Variants in WDFY4 observed in about 807,000 individuals in gnomAD.
The protein encoded by WDFY4 is WDFY family member 4.
WDFY4 carries 169 observed loss-of-function variants against 351.9 expected under a neutral mutation model. The observed-to-expected ratio is 0.48, with a 90% CI of 0.42 to 0.55. The LOEUF (loss-of-function observed/expected upper bound fraction) is 0.55. WDFY4 is among the 20% of genes least tolerant of loss of function. The probability of loss-of-function intolerance (pLI) is 0.00; values close to 1 mark genes in which losing one functional copy is unlikely to be tolerated. For synonymous variants in WDFY4, 1,622 were observed against 1,574.6 expected (o/e 1.03, Z -0.71); for missense variants, 3,803 against 3,935.6 (o/e 0.97, Z 0.90).
At chr10:48,843,993 G>T (rs2068692768) in intron 39 of WDFY4, among the ~76,000 whole-genome samples, 1 of 152,242 alleles carries the variant, frequency 6.6e-6, no homozygotes, top group South Asian at 2.1e-4. Flanking sequence ...GGGAGAATCA[G>T]TCTGGGCCCT....
intron 23 of WDFY4, among the ~76,000 whole-genome samples, chr10:48,792,160 T>C (rs1247901936): frequency 2.6e-5 from 4 of 152,174 alleles, no homozygotes; most frequent in Non-Finnish European, 5.9e-5. Flanking sequence ...TTAAACAGTG[T>C]ATGACTTTGT....
At chr10:48,768,406 C>T (rs375424077) in intron 13 of WDFY4, among the ~76,000 whole-genome samples, 5 of 143,538 alleles carry the variant, frequency 3.5e-5, no homozygotes, top group Non-Finnish European at 7.4e-5. Flanking sequence ...GCCTCATGAC[C>T]CCCCAACCTT....
At position 48,828,791 on chromosome 10, in the gene WDFY4, T is replaced by G; in HGVS notation, c.6235T>G (p.Phe2079Val). Residue 2079 changes from phenylalanine to valine, a missense_variant, in exon 37 of 62, where the codon TTT becomes GTT. Physicochemically the swap from Phe to Val is conservative, Grantham distance 50. This residue lies in a region of WDFY4 where 3,054 missense variants were observed against 3,148.6 expected (regional missense o/e 0.97). Coordinates refer to ENST00000325239, the MANE Select transcript of WDFY4 (RefSeq NM_001394531.1). The part of the protein sequence containing the change: ...LLNERSYPEG[F>V]GLEPKPRMST... ...CTTATCCACTAGTTACCCAGAAGGATTTGGATTGGAGCCCAAGCCTAGAAT... is the reference window on the plus strand; with the variant it reads ...CTTATCCACTAGTTACCCAGAAGGAGTTGGATTGGAGCCCAAGCCTAGAAT... 1 of 1,543,996 alleles carries G rather than the reference T, an allele frequency of 6.5e-7. No individual in the cohort carries two copies. Among genetic ancestry groups the G allele is most frequent in the South Asian group, 1.2e-5 (1 of 83,062 alleles).
At chr10:48,816,919 A>G (rs1157128483) in intron 31 of WDFY4, among the ~76,000 whole-genome samples, 2 of 152,224 alleles carry the variant, frequency 1.3e-5, no homozygotes, top group East Asian at 3.8e-4. Flanking sequence ...GGAAAGCATC[A>G]TCTACCCAAT....
At chr10:48,835,900 G>A (rs905499738) in intron 39 of WDFY4, among the ~76,000 whole-genome samples, 1 of 152,152 alleles carries the variant, frequency 6.6e-6, no homozygotes, top group African/African-American at 2.4e-5. Context: ...GCAACATCTT[G>A]TACTGGTAAC....
chr10:48,982,326 C>T (rs1842844077), intron 61 of WDFY4, among the ~76,000 whole-genome samples, 183 bp from the exon 62 acceptor site: 2 of 151,918 alleles, frequency 1.3e-5, no homozygotes, highest in Non-Finnish European at 2.9e-5. Context: ...CAATGCTTTC[C>T]CCTCCCCCAG....
intron 12 of WDFY4, among the ~76,000 whole-genome samples, chr10:48,756,137 T>C (rs60543044): frequency 0.021 from 3,182 of 152,160 alleles, 116 homozygotes; most frequent in African/African-American, 0.072. Flanking sequence ...AATTTAACTA[T>C]AGTAAATCTT....
intron 32 of WDFY4, 129 bp from the exon 33 acceptor site, chr10:48,820,105 G>T (rs541104040): frequency 2.4e-4 from 250 of 1,045,452 alleles, no homozygotes; most frequent in Non-Finnish European, 3.1e-4. Context: ...TTGCTTTCCT[G>T]TGCGGAGCCT....
chr10:48,958,344 C>T (rs1841703719), intron 52 of WDFY4, among the ~76,000 whole-genome samples: 1 of 152,162 alleles, frequency 6.6e-6, no homozygotes, highest in Non-Finnish European at 1.5e-5. Flanking sequence ...GATGGATCCC[C>T]CAAAGCGTGA....
chr10:48,890,957 C>T (rs1204099553), intron 44 of WDFY4, among the ~76,000 whole-genome samples: 1 of 152,194 alleles, frequency 6.6e-6, no homozygotes, highest in African/African-American at 2.4e-5. Context: ...TCACATCTCC[C>T]CTAATGTGGA....
chr10:48,815,641 T>C (rs1317349884), intron 31 of WDFY4, among the ~76,000 whole-genome samples: 3 of 152,124 alleles, frequency 2.0e-5, no homozygotes, highest in Non-Finnish European at 4.4e-5. Flanking sequence ...TGTATTTTTG[T>C]AGAGACGGGG....
intron 6 of WDFY4, 34 bp downstream of exon 6, chr10:48,726,104 C>A (rs747409549): frequency 1.3e-6 from 2 of 1,523,260 alleles, no homozygotes; most frequent in Admixed American, 2.0e-5. Flanking sequence ...GGGCTGTGGG[C>A]CATGCAAGGG....
intron 56 of WDFY4, 74 bp from the exon 57 acceptor site, chr10:48,970,057 A>AC: frequency 1.3e-6 from 2 of 1,490,970 alleles, no homozygotes. Context: ...TGGCCCACAT[A>AC]CCCCCGTGAC....
chr10:48,955,432 G>T (rs1383076600), intron 51 of WDFY4, among the ~76,000 whole-genome samples: 3 of 152,216 alleles, frequency 2.0e-5, no homozygotes, highest in Admixed American at 6.5e-5. Flanking sequence ...GCCACCTTGG[G>T]TGTGTGGTAG....
chr10:48,976,693 T>C (rs1842583561), intron 58 of WDFY4, 104 bp from the exon 59 acceptor site: 6 of 1,100,820 alleles, frequency 5.5e-6, no homozygotes, highest in Non-Finnish European at 5.9e-6. Context: ...CTTCAGAGCA[T>C]GACAGATTGA....
chr10:48,817,486 C>T (rs1485138303), intron 32 of WDFY4, 77 bp downstream of exon 32: 38 of 1,416,898 alleles, frequency 2.7e-5, no homozygotes, highest in Non-Finnish European at 4.7e-6. Context: ...GGCAAAATCC[C>T]TCCCCTCCCC....
intron 47 of WDFY4, among the ~76,000 whole-genome samples, chr10:48,927,235 C>G (rs184731067): frequency 2.0e-5 from 3 of 152,186 alleles, no homozygotes; most frequent in South Asian, 2.1e-4. Flanking sequence ...AACCCTCCCC[C>G]CTGCTTCCAC....
In WDFY4 at chr10:48,817,196, C is replaced by T. The variant is rs1462385751; in HGVS notation, c.5341-49C>T. On this transcript the variant is annotated intron_variant, in intron 31 of 61. Coordinates refer to ENST00000325239, the MANE Select transcript of WDFY4 (RefSeq NM_001394531.1). ...ACCTCAGCTCCTCTGGTTAGGGAGG[C>T]AGCGCCCATCATGCTGCCCTGCACT... 10 of 1,539,132 alleles carry T rather than the reference C, an allele frequency of 6.5e-6. No individual in the cohort carries two copies. The Middle Eastern group carries it at 6.8e-4, about 104-fold the overall frequency.
chr10:48,941,392 G>A (rs1672038501), intron 47 of WDFY4, among the ~76,000 whole-genome samples: 1 of 152,192 alleles, frequency 6.6e-6, no homozygotes, highest in Admixed American at 6.5e-5. Flanking sequence ...AGACCCTTAG[G>A]CCATATCTCA....
Sources: gnomAD v4.1 joint callset for allele counts (sites outside exome capture counted in the v4.1 genomes callset) on GRCh38, gnomAD v4.1.1 for gene constraint, gnomAD v4.1.1 regional missense constraint, MANE v1.5 for transcripts, NCBI Gene and HGNC (gene_info 2026-07-23, HGNC 2026-07-21) for gene names.